Variants in MSI2 observed in about 807,000 individuals in gnomAD.
MSI2 encodes the protein musashi RNA binding protein 2, also known as RNA-binding protein Musashi homolog 2.
Under a neutral mutation model 45.6 loss-of-function variants are expected in MSI2, and 17 were observed. The ratio of observed to expected loss-of-function variants is 0.37; its 90% confidence interval spans 0.26 to 0.56. The LOEUF (loss-of-function observed/expected upper bound fraction) is 0.56. Ranked by LOEUF, MSI2 falls within the 20% of genes least tolerant of loss-of-function variation. MSI2 has a pLI of 0.77. For missense variants in MSI2, 293 were observed against 444.2 expected, an observed-to-expected ratio of 0.66 and a Z score of 3.06; for synonymous variants, 156 against 158.2, an observed-to-expected ratio of 0.99 and a Z score of 0.11.
At chr17:57,287,128 G>GTTTTTTTT (rs146627218) in intron 5 of MSI2, among the ~76,000 whole-genome samples, 1 of 147,360 alleles carries the variant, frequency 6.8e-6, no homozygotes. Flanking sequence ...GTCTCAAAAA[G>GTTTTTTTT]TTGTTTTTTT....
At chr17:57,454,904 C>T (rs1032089678) in intron 6 of MSI2, among the ~76,000 whole-genome samples, 16 of 152,212 alleles carry the variant, frequency 1.1e-4, no homozygotes, top group African/African-American at 3.9e-4. Context: ...AGCATCATTC[C>T]ATCTGGGGCT....
At chr17:57,547,888 G>A (rs1223745284) in intron 7 of MSI2, among the ~76,000 whole-genome samples, 2 of 152,160 alleles carry the variant, frequency 1.3e-5, no homozygotes, top group Non-Finnish European at 1.5e-5. Context: ...TTTATCATCA[G>A]TGTGGTAGAC....
At chr17:57,337,691 C>G (rs1411589812) in intron 5 of MSI2, among the ~76,000 whole-genome samples, 1 of 152,162 alleles carries the variant, frequency 6.6e-6, no homozygotes, top group African/African-American at 2.4e-5. Context: ...ATGAATTGGT[C>G]TTTTGCCAAG....
intron 5 of MSI2, among the ~76,000 whole-genome samples, chr17:57,281,719 C>T (rs1909436072): frequency 6.6e-6 from 1 of 152,138 alleles, no homozygotes; most frequent in South Asian, 2.1e-4. Flanking sequence ...GAGAGGTGAA[C>T]AAATCAAAGG....
chr17:57,457,801 C>T (rs1423691376), intron 6 of MSI2, among the ~76,000 whole-genome samples: 1 of 151,934 alleles, frequency 6.6e-6, no homozygotes, highest in Admixed American at 6.6e-5. Flanking sequence ...CTTAGCTACT[C>T]AGGTGGCTGA....
chr17:57,519,442 C>T (rs1370680348), intron 6 of MSI2, among the ~76,000 whole-genome samples: 1 of 152,150 alleles, frequency 6.6e-6, no homozygotes, highest in Non-Finnish European at 1.5e-5. Flanking sequence ...CGGGGAGACT[C>T]GCATGGCTGA....
intron 9 of MSI2, chr17:57,626,898 T>C (rs999845216): frequency 7.5e-6 from 3 of 398,112 alleles, no homozygotes; most frequent in Non-Finnish European, 1.4e-5. Flanking sequence ...GTAAAGTACA[T>C]GCAGGGTAAG....
At chr17:57,355,658 G>A (rs1916358331) in intron 5 of MSI2, among the ~76,000 whole-genome samples, 1 of 152,168 alleles carries the variant, frequency 6.6e-6, no homozygotes, top group African/African-American at 2.4e-5. Context: ...TGAGGGTTGG[G>A]CCAAACCCCC....
intron 5 of MSI2, among the ~76,000 whole-genome samples, chr17:57,322,901 C>T (rs1326494839): frequency 6.6e-6 from 1 of 151,822 alleles, no homozygotes; most frequent in East Asian, 1.9e-4. Flanking sequence ...ATGAGGGCTG[C>T]AGGGCAGGGA....
intron 6 of MSI2, among the ~76,000 whole-genome samples, chr17:57,446,155 G>A (rs1598279250): frequency 6.6e-6 from 1 of 152,282 alleles, no homozygotes; most frequent in East Asian, 1.9e-4. Flanking sequence ...GAGTGGGGTG[G>A]GGTGTGTGTG....
In MSI2 at chr17:57,510,513, C is replaced by T. The variant is rs967659113; in HGVS notation, c.406-19163C>T. On this transcript the variant is annotated intron_variant, in intron 6 of 13. Coordinates refer to ENST00000284073, the MANE Select transcript of MSI2 (RefSeq NM_138962.4). ...CACGATCTCGGCTCACTGCAACCTC[C>T]GCCTCCCGGGTTCAAGTGATTCTCC... 4.3e-4 allele frequency among the ~76,000 whole-genome samples: 66 copies of T among 152,090 alleles called. 1 individual carries two copies. The highest frequency in any genetic ancestry group is 1.6e-3 in the African/African-American group (65 of 41,376).
the MSI2 span, among the ~76,000 whole-genome samples, chr17:57,698,758 C>T: frequency 1.3e-5 from 2 of 152,128 alleles, no homozygotes; most frequent in Non-Finnish European, 2.9e-5. Flanking sequence ...AGTCAAGTCA[C>T]GTGTTTCAAA....
At chr17:57,674,827 C>A in intron 11 of MSI2, 145 bp from the exon 12 acceptor site, 1 of 1,221,128 alleles carries the variant, frequency 8.2e-7, no homozygotes, top group Non-Finnish European at 1.1e-6. Flanking sequence ...AGAAGTTGGG[C>A]CTCAGCTGTT....
At chr17:57,333,837 T>G (rs974841009) in intron 5 of MSI2, among the ~76,000 whole-genome samples, 1 of 152,204 alleles carries the variant, frequency 6.6e-6, no homozygotes, top group African/African-American at 2.4e-5. Flanking sequence ...CTGCATACTT[T>G]TTTTAGAAGA....
At chr17:57,618,889 GA>G (rs762456065) in intron 9 of MSI2, among the ~76,000 whole-genome samples, 7 of 152,292 alleles carry the variant, frequency 4.6e-5, no homozygotes, top group Admixed American at 6.5e-5. Context: ...ATAAAAATAA[GA>G]AAGAGTTGAG....
Position 57,514,115 on chromosome 17 carries a change from T to A in MSI2, c.406-15561T>A, listed in dbSNP as rs575327129. ...GTCTTTGTTAATTTATATAGGGAAG[T>A]GTAGTAAATCTACCAGGAACAGGAC... On this transcript the variant is annotated intron_variant, in intron 6 of 13. Coordinates refer to ENST00000284073, the MANE Select transcript of MSI2 (RefSeq NM_138962.4). Among the ~76,000 whole-genome samples the A allele has an allele frequency of 2.6e-5, 4 of 152,334 alleles. No homozygotes were observed. In the South Asian group the frequency reaches 8.3e-4, roughly 32 times the overall value.
At chr17:57,632,228 G>T in intron 10 of MSI2, 3 of 1,102,256 alleles carry the variant, frequency 2.7e-6, no homozygotes, top group Non-Finnish European at 3.3e-6. Flanking sequence ...GAGCTTTGAA[G>T]TGCTGGTGGT....
chr17:57,548,368 AGT>A (rs1306371835), intron 7 of MSI2, among the ~76,000 whole-genome samples: 1 of 151,848 alleles, frequency 6.6e-6, no homozygotes, highest in Non-Finnish European at 1.5e-5. Flanking sequence ...TTGGGGTGGG[AGT>A]GGGGGCTTAA....
intron 6 of MSI2, among the ~76,000 whole-genome samples, chr17:57,498,202 A>C (rs1229715264): frequency 6.6e-6 from 1 of 152,268 alleles, no homozygotes; most frequent in African/African-American, 2.4e-5. Context: ...TAATTAGAAT[A>C]AACATGGTAT....
Sources: gnomAD v4.1 joint callset for allele counts (sites outside exome capture counted in the v4.1 genomes callset) on GRCh38, gnomAD v4.1.1 for gene constraint, MANE v1.5 for transcripts, NCBI Gene and HGNC (gene_info 2026-07-23, HGNC 2026-07-21) for gene names.